The following LARP4B variants were observed in gnomAD, a reference collection of about 807,000 sequenced individuals.
LARP4B encodes La ribonucleoprotein 4B, also known as la-related protein 4B.
A neutral mutation model predicts 89.8 loss-of-function variants in LARP4B; 12 were observed. The observed-to-expected ratio is 0.13, with a 90% CI of 0.09 to 0.22. LARP4B has a LOEUF of 0.22. Among genes scored for constraint, LARP4B ranks in the 10% least tolerant of loss-of-function variants. The probability of loss-of-function intolerance (pLI) is 1.00; values close to 1 mark genes in which losing one functional copy is unlikely to be tolerated. For synonymous variants in LARP4B, 367 were observed against 363.3 expected (o/e 1.01, Z -0.12); for missense variants, 757 against 947.7 (o/e 0.80, Z 2.64).
intron 15 of LARP4B, chr10:815,280 A>G (rs111694108): frequency 2.7e-5 from 11 of 413,228 alleles, no homozygotes; most frequent in African/African-American, 2.0e-4. Flanking sequence ...CAAATGCCCC[A>G]CTGTTCTTAC....
intron 11 of LARP4B, among the ~76,000 whole-genome samples, chr10:828,415 G>C (rs148388983): frequency 0.035 from 5,306 of 152,190 alleles, 146 homozygotes; most frequent in Non-Finnish European, 0.046. Context: ...TTGTTTCATG[G>C]ACCCGTATCT....
intron 5 of LARP4B, among the ~76,000 whole-genome samples, chr10:856,166 G>T (rs1834291297): frequency 6.6e-6 from 1 of 152,110 alleles, no homozygotes; most frequent in African/African-American, 2.4e-5. Context: ...TGATAAACTT[G>T]ATTACACAAG....
At chr10:987,236 A>G in the LARP4B span, 1 of 152,282 alleles carries the variant, frequency 6.6e-6, no homozygotes, top group African/African-American at 2.4e-5. Flanking sequence ...AAGATGTAGG[A>G]GGTATGCTTA....
the LARP4B span, among the ~76,000 whole-genome samples, chr10:973,237 C>T: frequency 1.3e-4 from 20 of 152,192 alleles, no homozygotes; most frequent in East Asian, 3.1e-3. Flanking sequence ...AGGGGGAGCT[C>T]GCAGGGTGGC....
the LARP4B span, among the ~76,000 whole-genome samples, chr10:964,946 C>T: frequency 6.6e-6 from 1 of 152,214 alleles, no homozygotes; most frequent in Non-Finnish European, 1.5e-5. Flanking sequence ...GCTTATGGAA[C>T]ACTGACACAC....
chr10:899,866 T>C lies in LARP4B; in HGVS notation c.-39-14106A>G, dbSNP rs575298206. 5.3e-5 allele frequency among the ~76,000 whole-genome samples: 8 copies of C among 152,282 alleles called. No individual in the cohort carries two copies. In the South Asian group the frequency reaches 1.0e-3, roughly 20 times the overall value. On this transcript the variant is annotated intron_variant, in intron 1 of 17. Transcript: ENST00000316157. ...GAAAAAGGGCTAAGAACTTTAGAGA[T>C]TGCCTTAATTAAGTACTATATAATC...
At chr10:941,126 G>A in the LARP4B span, among the ~76,000 whole-genome samples, 1 of 152,162 alleles carries the variant, frequency 6.6e-6, no homozygotes, top group Non-Finnish European at 1.5e-5. Flanking sequence ...GTGCTTGGAG[G>A]AGGACGGACA....
At chr10:963,577 C>G in the LARP4B span, among the ~76,000 whole-genome samples, 1 of 152,140 alleles carries the variant, frequency 6.6e-6, no homozygotes, top group Non-Finnish European at 1.5e-5. Flanking sequence ...GTTATGGTCC[C>G]CATCTTCCAG....
the LARP4B span, among the ~76,000 whole-genome samples, chr10:976,699 G>T: frequency 1.4e-5 from 2 of 146,440 alleles, no homozygotes; most frequent in African/African-American, 5.5e-5. Context: ...CGGCCTAGTA[G>T]AAGGTAGGCC....
At chr10:912,643 G>A (rs1588984730) in intron 1 of LARP4B, among the ~76,000 whole-genome samples, 1 of 149,842 alleles carries the variant, frequency 6.7e-6, no homozygotes, top group Non-Finnish European at 1.5e-5. Context: ...AGGCTGAGGC[G>A]GGCAGATCCC....
chr10:922,890 T>C (rs1185420161), intron 1 of LARP4B, among the ~76,000 whole-genome samples: 3 of 152,012 alleles, frequency 2.0e-5, no homozygotes, highest in Non-Finnish European at 4.4e-5. Context: ...CTGGCTAACA[T>C]GGTGAAACCC....
chr10:848,142 C>G (rs1049636397), intron 5 of LARP4B, among the ~76,000 whole-genome samples: 1 of 152,130 alleles, frequency 6.6e-6, no homozygotes, highest in Non-Finnish European at 1.5e-5. Flanking sequence ...ATGTCATTCA[C>G]GTGCAGAGCC....
the LARP4B span, among the ~76,000 whole-genome samples, chr10:945,908 G>A: frequency 3.3e-5 from 5 of 152,198 alleles, no homozygotes; most frequent in African/African-American, 1.2e-4. Flanking sequence ...GGAAGACACT[G>A]CGAGAAGCTG....
chr10:888,644 T>C (rs1835932358), intron 1 of LARP4B, among the ~76,000 whole-genome samples: 1 of 152,146 alleles, frequency 6.6e-6, no homozygotes, highest in African/African-American at 2.4e-5. Flanking sequence ...GCAATAAATA[T>C]GAGCCACACA....
At chr10:816,620 T>A (rs1354387107) in intron 15 of LARP4B, among the ~76,000 whole-genome samples, 1 of 152,016 alleles carries the variant, frequency 6.6e-6, no homozygotes, top group East Asian at 1.9e-4. Context: ...CCAACGGGAG[T>A]AGGCTACAGT....
At chr10:881,612 T>G (rs1364459900) in intron 3 of LARP4B, among the ~76,000 whole-genome samples, 1 of 152,202 alleles carries the variant, frequency 6.6e-6, no homozygotes, top group Non-Finnish European at 1.5e-5. Context: ...GTAAACTTAA[T>G]GCAAAGTACT....
chr10:903,678 G>A (rs1361687243), intron 1 of LARP4B, among the ~76,000 whole-genome samples: 1 of 152,172 alleles, frequency 6.6e-6, no homozygotes, highest in Non-Finnish European at 1.5e-5. Flanking sequence ...GGTGGAAAAG[G>A]TCTCTCTCCA....
the LARP4B span, among the ~76,000 whole-genome samples, chr10:958,259 G>A: frequency 1.3e-5 from 2 of 152,160 alleles, no homozygotes; most frequent in Non-Finnish European, 2.9e-5. Context: ...TGGCTTAGCT[G>A]GGTGCTTGCA....
rs139799298 is a variant in LARP4B at position 892,136 on chromosome 10, G to A, written c.-39-6376C>T. 3.4e-3 allele frequency among the ~76,000 whole-genome samples: 516 copies of A among 152,344 alleles called. 3 individuals are homozygous for A. The highest frequency in any genetic ancestry group is 0.011 in the African/African-American group (453 of 41,582). On this transcript the variant is annotated intron_variant, in intron 1 of 17. Coordinates refer to ENST00000316157, the MANE Select transcript of LARP4B (RefSeq NM_015155.3). ...CACAGCCGACCAAGGAGTTGAAGGC[G>A]GGCTCCGCACTCGCCAGTGCCTTAC... is the stretch of plus-strand genomic sequence containing the variant.
Sources: gnomAD v4.1 joint callset for allele counts (sites outside exome capture counted in the v4.1 genomes callset) on GRCh38, gnomAD v4.1.1 for gene constraint, MANE v1.5 for transcripts, NCBI Gene and HGNC (gene_info 2026-07-23, HGNC 2026-07-21) for gene names.